The following IQCM variants were observed in gnomAD, a reference collection of about 807,000 sequenced individuals.
IQCM encodes IQ motif containing M.
IQCM carries 45 observed loss-of-function variants against 57.6 expected under a neutral mutation model. The ratio of observed to expected loss-of-function variants is 0.78; its 90% confidence interval spans 0.62 to 1.00. IQCM has a LOEUF of 1.00. IQCM is among the 50% of genes least tolerant of loss of function. The pLI, the probability that IQCM is intolerant of heterozygous loss-of-function variation, is 0.00. For synonymous variants in IQCM, 148 were observed against 158.9 expected (o/e 0.93, Z 0.51); for missense variants, 468 against 511.6 (o/e 0.91, Z 0.82).
chr4:149,456,708 G>C (rs1737741461), intron 12 of IQCM, among the ~76,000 whole-genome samples: 1 of 152,066 alleles, frequency 6.6e-6, no homozygotes, highest in Non-Finnish European at 1.5e-5. Context: ...CCTCTCATGA[G>C]AGTCTTATAA....
chr4:149,655,889 G>A (rs1252813071), intron 7 of IQCM, among the ~76,000 whole-genome samples: 1 of 151,992 alleles, frequency 6.6e-6, no homozygotes, highest in Non-Finnish European at 1.5e-5. Context: ...TTTGCCTTTT[G>A]ATAAAACTGA....
At chr4:149,475,427 C>A (rs942057755) in intron 12 of IQCM, among the ~76,000 whole-genome samples, 15 of 152,124 alleles carry the variant, frequency 9.9e-5, no homozygotes, top group Non-Finnish European at 2.9e-5. Flanking sequence ...TATTAGACCT[C>A]CACATGGAGA....
At chr4:149,358,620 T>A (rs28690242) in intron 13 of IQCM, among the ~76,000 whole-genome samples, 2,781 of 152,210 alleles carry the variant, frequency 0.018, 37 homozygotes, top group African/African-American at 0.025. Context: ...ACAGTCCTTT[T>A]GATAAAAACA....
At chr4:149,357,038 T>A (rs1462752690) in intron 13 of IQCM, among the ~76,000 whole-genome samples, 2 of 152,222 alleles carry the variant, frequency 1.3e-5, no homozygotes, top group African/African-American at 4.8e-5. Flanking sequence ...ATGATTTGGC[T>A]CTCTGTTTGT....
In IQCM at chr4:149,549,365, A is replaced by G. The variant is rs990975907; in HGVS notation, c.1094-776T>C. On this transcript the variant is annotated intron_variant, in intron 11 of 13. Transcript: ENST00000636793. ...CCCGTCTCTACTAAAAATACAAAAA[A>G]AAATTAGCCGGGCGTAGTGGCGGGC... is the stretch of plus-strand genomic sequence containing the variant. 4.6e-5 allele frequency among the ~76,000 whole-genome samples: 7 copies of G among 152,012 alleles called. No homozygotes were observed. The East Asian group carries it at 1.2e-3, about 25-fold the overall frequency.
chr4:149,368,914 ATG>A lies in IQCM; in HGVS notation c.1391-16850_1391-16849del, dbSNP rs1369320824. 6.0e-4 allele frequency among the ~76,000 whole-genome samples: 43 copies of A among 71,646 alleles called. 11 individuals are homozygous for A. Among genetic ancestry groups the A allele is most frequent in the African/African-American group, 1.8e-3 (38 of 20,790 alleles). The allele number at this position is 71,646 out of a possible 152,430, so 47.0% of individuals were successfully genotyped here. A position where few individuals can be genotyped will look rare whatever the true frequency, so the allele number is the denominator to read the frequency against. ...TGTATATATATACACGTGTATATAT[ATG>A]TGTATATATATACACGTGTATATAT... On this transcript the variant is annotated intron_variant, in intron 13 of 13. Transcript: ENST00000636793.
intron 12 of IQCM, among the ~76,000 whole-genome samples, chr4:149,540,164 A>G (rs1270369250): frequency 7.9e-6 from 1 of 125,986 alleles, no homozygotes; most frequent in Non-Finnish European, 1.9e-5. Context: ...CCATGTGAGG[A>G]CACAGCAACA....
chr4:149,480,707 T>C (rs566684618), intron 12 of IQCM, among the ~76,000 whole-genome samples: 2 of 152,348 alleles, frequency 1.3e-5, no homozygotes, highest in African/African-American at 4.8e-5. Context: ...TTGTTAATAC[T>C]ACTTCAATAA....
chr4:149,355,951 T>C (rs1728943945), intron 13 of IQCM, among the ~76,000 whole-genome samples: 1 of 152,190 alleles, frequency 6.6e-6, no homozygotes, highest in Admixed American at 6.5e-5. Flanking sequence ...TGGTGTGAGA[T>C]GGTATCTCAC....
intron 13 of IQCM, among the ~76,000 whole-genome samples, chr4:149,383,836 C>T (rs1213335443): frequency 6.6e-6 from 1 of 152,002 alleles, no homozygotes. Flanking sequence ...GCTGTAATCC[C>T]AGCTAATTCA....
At chr4:149,415,264 C>T (rs1234922093) in intron 13 of IQCM, among the ~76,000 whole-genome samples, 1 of 152,152 alleles carries the variant, frequency 6.6e-6, no homozygotes, top group Non-Finnish European at 1.5e-5. Flanking sequence ...ATCACCATTT[C>T]TTGCTCATCA....
chr4:149,597,566 T>A (rs1753898706), intron 8 of IQCM, among the ~76,000 whole-genome samples: 1 of 152,090 alleles, frequency 6.6e-6, no homozygotes, highest in African/African-American at 2.4e-5. Context: ...AATTTTTGTA[T>A]TTTTAGTAGA....
intron 5 of IQCM, among the ~76,000 whole-genome samples, chr4:149,689,298 T>G (rs1762775154): frequency 6.6e-6 from 1 of 151,836 alleles, no homozygotes. Flanking sequence ...CTGCACCAAA[T>G]TAACACAGGA....
chr4:149,372,651 G>T (rs1730441339), intron 13 of IQCM, among the ~76,000 whole-genome samples: 1 of 152,076 alleles, frequency 6.6e-6, no homozygotes, highest in Admixed American at 6.6e-5. Flanking sequence ...ACTGAGCAAT[G>T]CTTCAAAGTG....
intron 13 of IQCM, among the ~76,000 whole-genome samples, chr4:149,388,218 T>C (rs766554728): frequency 1.3e-5 from 2 of 151,758 alleles, no homozygotes; most frequent in Non-Finnish European, 2.9e-5. Context: ...AATTGCTGGG[T>C]CACATATTAG....
At chr4:149,474,935 TAA>T (rs1388171693) in intron 12 of IQCM, among the ~76,000 whole-genome samples, 1 of 151,884 alleles carries the variant, frequency 6.6e-6, no homozygotes, top group Non-Finnish European at 1.5e-5. Context: ...AGGAAAGTAA[TAA>T]GAGTTGGAGT....
At chr4:149,736,612 T>A (rs1766968109) in intron 3 of IQCM, among the ~76,000 whole-genome samples, 1 of 152,154 alleles carries the variant, frequency 6.6e-6, no homozygotes, top group Non-Finnish European at 1.5e-5. Flanking sequence ...AAAAACTCAA[T>A]CTTCATGTGA....
At chr4:149,630,727 C>A (rs1469154435) in intron 7 of IQCM, among the ~76,000 whole-genome samples, 2 of 152,072 alleles carry the variant, frequency 1.3e-5, no homozygotes, top group Non-Finnish European at 2.9e-5. Flanking sequence ...TAATAAAAGT[C>A]TTTTAAATGT....
chr4:149,483,874 G>A (rs1268211788), intron 12 of IQCM, among the ~76,000 whole-genome samples: 2 of 151,848 alleles, frequency 1.3e-5, no homozygotes, highest in Non-Finnish European at 2.9e-5. Context: ...GGGTGTTGAG[G>A]TCTCCAGCTG....
Sources: gnomAD v4.1 joint callset for allele counts (sites outside exome capture counted in the v4.1 genomes callset) on GRCh38, gnomAD v4.1.1 for gene constraint, MANE v1.5 for transcripts, NCBI Gene and HGNC (gene_info 2026-07-23, HGNC 2026-07-21) for gene names.